SAMD13: variants seen among roughly 807,000 people sequenced by gnomAD.
SAMD13 encodes sterile alpha motif domain-containing protein 13.
In SAMD13, 9 loss-of-function variants were observed where a neutral mutation model predicts 12.4. That is an observed-to-expected ratio of 0.72 (90% CI 0.44 to 1.26). The LOEUF is 1.26. Ranked by LOEUF, SAMD13 falls within the 50% of genes most tolerant of loss-of-function variation. The probability of loss-of-function intolerance (pLI) is 0.00; values close to 1 mark genes in which losing one functional copy is unlikely to be tolerated. For missense variants in SAMD13, 84 were observed against 119.6 expected, an observed-to-expected ratio of 0.70 and a Z score of 1.39; for synonymous variants, 46 against 45.4, an observed-to-expected ratio of 1.01 and a Z score of -0.05.
chr1:84,329,799 C>T lies in SAMD13; in HGVS notation c.165+4051C>T, dbSNP rs149432351. Among the ~76,000 whole-genome samples, 11 of 152,336 alleles carry T rather than the reference C, an allele frequency of 7.2e-5. No homozygotes were observed. In the East Asian group the frequency reaches 2.1e-3, roughly 29 times the overall value. On this transcript the variant is annotated intron_variant, in intron 3 of 3. Coordinates refer to ENST00000394834, the MANE Select transcript of SAMD13 (RefSeq NM_001134663.2). ...GCCTAAGTCCCTGCCTAGCCCATCACAAATAACCCAGTGTCAATAGCACGT... is the reference window on the plus strand; with the variant it reads ...GCCTAAGTCCCTGCCTAGCCCATCATAAATAACCCAGTGTCAATAGCACGT...
chr1:84,299,195 C>G (rs1451998414), upstream of SAMD13, among the ~76,000 whole-genome samples: 1 of 152,110 alleles, frequency 6.6e-6, no homozygotes, highest in East Asian at 1.9e-4. Flanking sequence ...GCCGGCGGCT[C>G]CTTTGGGACC....
Position 84,304,095 on chromosome 1 carries a change from C to A in SAMD13, c.53+808C>A, listed in dbSNP as rs370887472. On this transcript the variant is annotated intron_variant, in intron 2 of 3. Transcript: ENST00000394834. The stretch of plus-strand genomic sequence containing the variant: ...TGGAGGAAACTAATTAAATATAATC[C>A]ATAGAAGCTGTGATATCTAAATGAG... 2.6e-5 allele frequency: 4 copies of A among 152,140 alleles called. No homozygotes were observed. In the East Asian group the frequency reaches 7.7e-4, roughly 29 times the overall value. 9.4% of individuals were successfully genotyped at this position (152,140 alleles called of 1,614,324 possible). A position where few individuals can be genotyped will look rare whatever the true frequency, so the allele number is the denominator to read the frequency against.
chr1:84,302,794 A>C, intron 1 of SAMD13: 1 of 514,186 alleles, frequency 1.9e-6, no homozygotes, highest in Non-Finnish European at 2.5e-6. Context: ...AAACACAATA[A>C]GAAAAAACAA....
At chr1:84,320,096 A>G (rs1337032300) in intron 2 of SAMD13, among the ~76,000 whole-genome samples, 1 of 152,232 alleles carries the variant, frequency 6.6e-6, no homozygotes, top group Non-Finnish European at 1.5e-5. Flanking sequence ...CGTCTTCATT[A>G]GACTATGAGT....
chr1:84,310,822 C>G (rs952193902), intron 2 of SAMD13, among the ~76,000 whole-genome samples: 7 of 152,010 alleles, frequency 4.6e-5, no homozygotes, highest in African/African-American at 1.7e-4. Flanking sequence ...TTATCAATTT[C>G]AATAAATCTG....
In SAMD13 at chr1:84,303,213, A is replaced by G; in HGVS notation, c.-22A>G. On this transcript the variant is annotated 5_prime_UTR_variant, in exon 2 of 4. Coordinates refer to ENST00000394834, the MANE Select transcript of SAMD13 (RefSeq NM_001134663.2). ...TCCCTTATTGATTAGTTGCTGAAGT[A>G]AAGGAACCCTGCAGCCTTCCCATGC... 1 of 1,612,312 alleles carries G rather than the reference A, an allele frequency of 6.2e-7. No individual in the cohort carries two copies. Among genetic ancestry groups the G allele is most frequent in the Non-Finnish European group, 8.5e-7 (1 of 1,178,560 alleles).
At chr1:84,339,003 A>G (rs563136430) in intron 3 of SAMD13, among the ~76,000 whole-genome samples, 52 of 152,326 alleles carry the variant, frequency 3.4e-4, no homozygotes, top group African/African-American at 1.3e-3. Flanking sequence ...GCTCTGCCAG[A>G]TCAGTTTGAT....
At chr1:84,330,476 A>G (rs750228721) in intron 3 of SAMD13, among the ~76,000 whole-genome samples, 1 of 152,146 alleles carries the variant, frequency 6.6e-6, no homozygotes, top group Non-Finnish European at 1.5e-5. Flanking sequence ...CACTATTTTG[A>G]CTAATCTTGT....
upstream of SAMD13, among the ~76,000 whole-genome samples, chr1:84,301,426 T>C (rs1390004400): frequency 6.6e-6 from 1 of 152,162 alleles, no homozygotes; most frequent in African/African-American, 2.4e-5. Context: ...GCAGCAACAA[T>C]GAAGGGGAGG....
intron 2 of SAMD13, among the ~76,000 whole-genome samples, chr1:84,317,151 T>C (rs562138481): frequency 1.3e-5 from 2 of 152,208 alleles, no homozygotes; most frequent in East Asian, 3.9e-4. Context: ...TCTGTAAATG[T>C]AAGGACAGTT....
intron 3 of SAMD13, among the ~76,000 whole-genome samples, chr1:84,346,384 G>A (rs1174767914): frequency 6.6e-6 from 1 of 152,080 alleles, no homozygotes; most frequent in African/African-American, 2.4e-5. Context: ...ATTGCCCAAC[G>A]GGAACCTGAA....
At chr1:84,311,874 A>G (rs1332894904) in intron 2 of SAMD13, among the ~76,000 whole-genome samples, 1 of 152,186 alleles carries the variant, frequency 6.6e-6, no homozygotes, top group Non-Finnish European at 1.5e-5. Context: ...TTCTTTATGA[A>G]TTAGGAAGTC....
chr1:84,325,555 GT>G lies in SAMD13; in HGVS notation c.54-81del, dbSNP rs1679039074. 6.3e-6 allele frequency: 5 copies of G among 792,038 alleles called. No homozygotes were observed. The South Asian group carries it at 7.5e-5, about 12-fold the overall frequency. The allele number at this position is 792,038 out of a possible 1,614,324, so 49.1% of individuals were successfully genotyped here. ...TGAACCCAAAAAACATGAAAGGCCT[GT>G]CCCAGAAGACCCATTTGTGAGCCTG... On this transcript the variant is annotated intron_variant, in intron 2 of 3. Coordinates refer to ENST00000394834, the MANE Select transcript of SAMD13 (RefSeq NM_001134663.2).
In SAMD13 at chr1:84,315,008, TTCTC is replaced by T. The variant is rs934508155; in HGVS notation, c.54-10625_54-10622del. Among the ~76,000 whole-genome samples, 3 of 139,058 alleles carry T rather than the reference TTCTC, an allele frequency of 2.2e-5. No individual in the cohort carries two copies. In the East Asian group the frequency reaches 7.4e-4, roughly 34 times the overall value. 91.2% of individuals were successfully genotyped at this position (139,058 alleles called of 152,430 possible). A position where few individuals can be genotyped will look rare whatever the true frequency, so the allele number is the denominator to read the frequency against. ...TCCCTCCCTCTCTCTCTTTCTCTCC[TTCTC>T]TCTTTCTTTCTCTTTCTTTCTCTCT... On this transcript the variant is annotated intron_variant, in intron 2 of 3. Coordinates refer to ENST00000394834, the MANE Select transcript of SAMD13 (RefSeq NM_001134663.2).
chr1:84,299,483 C>A, upstream of SAMD13: 1 of 559,520 alleles, frequency 1.8e-6, no homozygotes, highest in Non-Finnish European at 2.7e-6. Context: ...CCCCTCACCC[C>A]CACACACCAC....
chr1:84,333,882 C>A (rs1679241890), intron 3 of SAMD13, among the ~76,000 whole-genome samples: 1 of 152,060 alleles, frequency 6.6e-6, no homozygotes, highest in African/African-American at 2.4e-5. Context: ...TTGAACCAAC[C>A]TTGCTTCCCG....
At chr1:84,344,626 A>C in intron 3 of SAMD13, 1 of 304,562 alleles carries the variant, frequency 3.3e-6, no homozygotes, top group Admixed American at 4.6e-5. Context: ...TTATATGGAA[A>C]TTCTTCCAAA....
intron 2 of SAMD13, among the ~76,000 whole-genome samples, chr1:84,322,804 T>C (rs890202726): frequency 1.3e-5 from 2 of 152,072 alleles, no homozygotes; most frequent in Non-Finnish European, 2.9e-5. Context: ...CTGCCAGCAG[T>C]TTTACAAGTC....
At chr1:84,340,040 C>G (rs1010668577) in intron 3 of SAMD13, among the ~76,000 whole-genome samples, 5 of 152,146 alleles carry the variant, frequency 3.3e-5, no homozygotes, top group Non-Finnish European at 7.4e-5. Context: ...GGTAGATTCT[C>G]AAAAACTTAA....
Sources: allele counts gnomAD v4.1 joint callset (sites outside exome capture counted in the v4.1 genomes callset), GRCh38; gene constraint gnomAD v4.1.1; transcripts MANE v1.5; gene names NCBI Gene and HGNC (gene_info 2026-07-23, HGNC 2026-07-21).